EFCAB14: variants seen among roughly 807,000 people sequenced by gnomAD.
EFCAB14 encodes EF-hand calcium binding domain 14.
A neutral mutation model predicts 56.5 loss-of-function variants in EFCAB14; 43 were observed. The observed-to-expected ratio is 0.76, with a 90% confidence interval of 0.60 to 0.98. The LOEUF (loss-of-function observed/expected upper bound fraction) is 0.98. Ranked by LOEUF, EFCAB14 falls within the 50% of genes least tolerant of loss-of-function variation. EFCAB14 has a pLI of 0.00. For missense variants in EFCAB14, 538 were observed against 580.3 expected (o/e 0.93, Z 0.75); for synonymous variants, 235 against 212.9 (o/e 1.10, Z -0.90).
chr1:46,707,796 A>G, intron 3 of EFCAB14, 110 bp downstream of exon 3: 1 of 1,165,650 alleles, frequency 8.6e-7, no homozygotes, highest in Non-Finnish European at 1.2e-6. Context: ...TTCAAAAAGT[A>G]AAACAAACTG....
At chr1:46,707,832 C>A in intron 3 of EFCAB14, 74 bp downstream of exon 3, 1 of 1,451,854 alleles carries the variant, frequency 6.9e-7, no homozygotes, top group South Asian at 1.3e-5. Flanking sequence ...ACCTACAATT[C>A]TCTATATCCT....
Position 46,691,943 on chromosome 1 carries a change from T to A in EFCAB14, c.580-6A>T. On this transcript the variant is annotated splice_region_variant and splice_polypyrimidine_tract_variant and intron_variant, in intron 4 of 10. Coordinates refer to ENST00000371933, the MANE Select transcript of EFCAB14 (RefSeq NM_014774.3). ...TTGCCAATGGAAGCTACACTCTGAATGGAAACATATAGGAAGGTGTAAAAA... is the reference window on the plus strand; with the variant it reads ...TTGCCAATGGAAGCTACACTCTGAAAGGAAACATATAGGAAGGTGTAAAAA... 1 of 1,610,302 alleles carries A rather than the reference T, an allele frequency of 6.2e-7. No individual in the cohort carries two copies. The highest frequency in any genetic ancestry group is 8.5e-7 in the Non-Finnish European group (1 of 1,177,616).
intron 2 of EFCAB14, among the ~76,000 whole-genome samples, chr1:46,708,941 C>T (rs901725794): frequency 7.7e-5 from 10 of 130,322 alleles, no homozygotes; most frequent in Middle Eastern, 3.6e-3. Context: ...ATAAAACCTA[C>T]ATCCTTTTTT....
intron 10 of EFCAB14, among the ~76,000 whole-genome samples, chr1:46,679,610 T>G (rs964582420): frequency 4.3e-4 from 51 of 118,098 alleles, no homozygotes; most frequent in Non-Finnish European, 8.1e-4. Context: ...TTTTTTTTTT[T>G]TTTTTTTTTT....
chr1:46,703,775 A>G (rs1157993475), intron 3 of EFCAB14, among the ~76,000 whole-genome samples: 2 of 152,210 alleles, frequency 1.3e-5, no homozygotes, highest in Non-Finnish European at 2.9e-5. Flanking sequence ...CACCTTGTTC[A>G]AACTCAGCTG....
chr1:46,701,187 T>C (rs975949540), intron 3 of EFCAB14, among the ~76,000 whole-genome samples: 1 of 152,190 alleles, frequency 6.6e-6, no homozygotes, highest in African/African-American at 2.4e-5. Flanking sequence ...CCACATAACT[T>C]TGCAAAGGGT....
rs1676690251 is a variant in EFCAB14, at chr1:46,676,077, C to T, written c.*2384G>A. On this transcript the variant is annotated 3_prime_UTR_variant, in exon 11 of 11. Coordinates refer to ENST00000371933, the MANE Select transcript of EFCAB14 (RefSeq NM_014774.3). ...GTTAAGACAACATACAAATAAAAGT[C>T]CCAAATTCACACTAAATAATAGGCT... 1 of 152,132 alleles carries T rather than the reference C, an allele frequency of 6.6e-6. No individual in the cohort carries two copies. Among genetic ancestry groups the T allele is most frequent in the Non-Finnish European group, 1.5e-5 (1 of 68,026 alleles). 9.4% of individuals were successfully genotyped at this position (152,132 alleles called of 1,614,324 possible). A position where few individuals can be genotyped will look rare whatever the true frequency, so the allele number is the denominator to read the frequency against.
intron 3 of EFCAB14, among the ~76,000 whole-genome samples, chr1:46,705,616 C>T (rs950163587): frequency 6.6e-6 from 1 of 152,110 alleles, no homozygotes; most frequent in Non-Finnish European, 1.5e-5. Context: ...GTAAGCCCTG[C>T]GATGGGGGTG....
At chr1:46,706,764 G>A (rs1677239045) in intron 3 of EFCAB14, among the ~76,000 whole-genome samples, 1 of 152,136 alleles carries the variant, frequency 6.6e-6, no homozygotes, top group South Asian at 2.1e-4. Context: ...AATACTAGAC[G>A]GCTGTAACTC....
chr1:46,690,561 G>A (rs867952939), intron 5 of EFCAB14, among the ~76,000 whole-genome samples: 26 of 152,114 alleles, frequency 1.7e-4, no homozygotes, highest in African/African-American at 5.6e-4. Flanking sequence ...GGTTCTAGAA[G>A]GCAGGAAATT....
rs1320817416 is a variant in EFCAB14, at chr1:46,718,596, G to A, written c.-509C>T. 6.5e-6 allele frequency: 1 copy of A among 152,884 alleles called. No individual in the cohort carries two copies. 9.5% of individuals were successfully genotyped at this position (152,884 alleles called of 1,614,324 possible). A position where few individuals can be genotyped will look rare whatever the true frequency, so the allele number is the denominator to read the frequency against. On this transcript the variant is annotated 5_prime_UTR_variant, in exon 1 of 11. Coordinates refer to ENST00000371933, the MANE Select transcript of EFCAB14 (RefSeq NM_014774.3). ...GAGTGGGGAGGTGCAGAGTAAGAAA[G>A]TGGGAACGCGTCAGTCCCTTCCTTG...
In EFCAB14 at chr1:46,678,021, CA is replaced by C. The variant is rs1676722851; in HGVS notation, c.*439del. On this transcript the variant is annotated 3_prime_UTR_variant, in exon 11 of 11. Coordinates refer to ENST00000371933, the MANE Select transcript of EFCAB14 (RefSeq NM_014774.3). ...ATGCTTTCTTTCATTTAAATATTTA[CA>C]AACAGAAAAGGCCTATCTTTTAAAG... 1 of 154,642 alleles carries C rather than the reference CA, an allele frequency of 6.5e-6. No individual in the cohort carries two copies. Among genetic ancestry groups the C allele is most frequent in the Admixed American group, 6.5e-5 (1 of 15,334 alleles). 9.6% of individuals were successfully genotyped at this position (154,642 alleles called of 1,614,324 possible). A position where few individuals can be genotyped will look rare whatever the true frequency, so the allele number is the denominator to read the frequency against.
Position 46,683,376 on chromosome 1 carries a change from T to C in EFCAB14, c.1236A>G (p.Ser412=). The change falls in exon 10 of 11, where the codon TCA becomes TCG. Residue 412 remains serine (S), a synonymous_variant. Coordinates refer to ENST00000371933, the MANE Select transcript of EFCAB14 (RefSeq NM_014774.3). ...TCTCAACTGGGTCTCCAAGAAACTG[T>C]GAAAATTTTGGCAATGCTGATGGCT... ...TSKPSALPKF[S]QFLGDPVEKA... 6.2e-7 allele frequency: 1 copy of C among 1,614,080 alleles called. No homozygotes were observed. Among genetic ancestry groups the C allele is most frequent in the South Asian group, 1.1e-5 (1 of 91,082 alleles).
At chr1:46,714,305 C>G (rs1677353708) in intron 2 of EFCAB14, among the ~76,000 whole-genome samples, 2 of 151,886 alleles carry the variant, frequency 1.3e-5, no homozygotes. Flanking sequence ...CTTGAGAAAG[C>G]CTTGTGGTCA....
At chr1:46,684,909 G>A (rs570606482) in intron 8 of EFCAB14, among the ~76,000 whole-genome samples, 3 of 152,282 alleles carry the variant, frequency 2.0e-5, no homozygotes, top group African/African-American at 7.2e-5. Context: ...CCTTGCTCAG[G>A]TGCCTATGCG....
At chr1:46,687,694 G>A (rs1302708021) in intron 7 of EFCAB14, among the ~76,000 whole-genome samples, 1 of 152,176 alleles carries the variant, frequency 6.6e-6, no homozygotes, top group Non-Finnish European at 1.5e-5. Context: ...GTGGATCCCT[G>A]CACAAAGTTT....
At chr1:46,693,343 T>C (rs753191260) in intron 4 of EFCAB14, among the ~76,000 whole-genome samples, 44 of 152,174 alleles carry the variant, frequency 2.9e-4, no homozygotes, top group Non-Finnish European at 5.7e-4. Flanking sequence ...TACACTGATA[T>C]CCAAGAATCC....
Position 46,678,361 on chromosome 1 carries a change from G to A in EFCAB14, c.*100C>T. The A allele has an allele frequency of 1.6e-6, 2 of 1,271,710 alleles. No homozygotes were observed. Among genetic ancestry groups the A allele is most frequent in the Non-Finnish European group, 2.2e-6 (2 of 906,658 alleles). 78.8% of individuals were successfully genotyped at this position (1,271,710 alleles called of 1,614,324 possible). A position where few individuals can be genotyped will look rare whatever the true frequency, so the allele number is the denominator to read the frequency against. ...AAAAGGTGGCAAAGTATCTGCTACAGTAGTTTGGAGGACTAGAGGACTGAT... is the reference window on the plus strand; with the variant it reads ...AAAAGGTGGCAAAGTATCTGCTACAATAGTTTGGAGGACTAGAGGACTGAT... On this transcript the variant is annotated 3_prime_UTR_variant, in exon 11 of 11. Coordinates refer to ENST00000371933, the MANE Select transcript of EFCAB14 (RefSeq NM_014774.3).
Position 46,691,816 on chromosome 1 carries a change from G to C in EFCAB14, c.690+11C>G. Reference sequence around the variant, plus strand: ...TGAGCAGGAGCATGCTGACTTGCTGGGTCTCCTTACCATATCACTCTGCAG... The same window carrying C: ...TGAGCAGGAGCATGCTGACTTGCTGCGTCTCCTTACCATATCACTCTGCAG... On this transcript the variant is annotated intron_variant, in intron 5 of 10. Coordinates refer to ENST00000371933, the MANE Select transcript of EFCAB14 (RefSeq NM_014774.3). 1.9e-6 allele frequency: 3 copies of C among 1,601,028 alleles called. No homozygotes were observed. The highest frequency in any genetic ancestry group is 2.6e-6 in the Non-Finnish European group (3 of 1,171,250).
Sources: gnomAD v4.1 joint callset for allele counts (sites outside exome capture counted in the v4.1 genomes callset) on GRCh38, gnomAD v4.1.1 for gene constraint, MANE v1.5 for transcripts, NCBI Gene and HGNC (gene_info 2026-07-23, HGNC 2026-07-21) for gene names.